Variants in PLA2G10 observed in about 807,000 individuals in gnomAD.
PLA2G10 encodes the protein phospholipase A2 group X.
PLA2G10 carries 9 observed loss-of-function variants against 7.9 expected under a neutral mutation model. The ratio of observed to expected loss-of-function variants is 1.14; its 90% CI spans 0.68 to 1.98. PLA2G10 has a LOEUF of 1.98. Among genes scored for constraint, PLA2G10 ranks in the 30% most tolerant of loss-of-function variants. The pLI, the probability that PLA2G10 is intolerant of heterozygous loss-of-function variation, is 0.00. For synonymous variants in PLA2G10, 19 were observed against 27.5 expected (o/e 0.69, Z 0.97); for missense variants, 53 against 65.4 (o/e 0.81, Z 0.66).
At chr16:14,672,799 A>T in intron 3 of PLA2G10, 50 bp from the exon 4 acceptor site, 1 of 1,580,790 alleles carries the variant, frequency 6.3e-7, no homozygotes, top group Non-Finnish European at 8.7e-7. Context: ...GGAGAGACTC[A>T]AGGGAAACCA....
intron 3 of PLA2G10, among the ~76,000 whole-genome samples, chr16:14,686,775 G>A (rs752328495): frequency 1.3e-5 from 2 of 152,106 alleles, no homozygotes; most frequent in South Asian, 4.1e-4. Context: ...AACTATAGGC[G>A]TGAGCCACAG....
intron 3 of PLA2G10, among the ~76,000 whole-genome samples, chr16:14,680,516 G>A (rs942035770): frequency 6.6e-6 from 1 of 152,000 alleles, no homozygotes; most frequent in African/African-American, 2.4e-5. Context: ...TCAGCCTCCC[G>A]AGTAGCTGGA....
Position 14,675,864 on chromosome 16 carries a change from G to A in PLA2G10, c.356-3115C>T, listed in dbSNP as rs569255177. ...TGAGGCAGGAGAATCATTTGAACCCGGGAGGCAGAGGTTGCAGGGAGCTGA... is the reference window on the plus strand; with the variant it reads ...TGAGGCAGGAGAATCATTTGAACCCAGGAGGCAGAGGTTGCAGGGAGCTGA... On this transcript the variant is annotated intron_variant, in intron 3 of 3. Transcript: ENST00000438167. 3.3e-5 allele frequency among the ~76,000 whole-genome samples: 5 copies of A among 150,764 alleles called. No individual in the cohort carries two copies. In the South Asian group the frequency reaches 6.3e-4, roughly 19 times the overall value.
chr16:14,672,661 C>G lies in PLA2G10; in HGVS notation c.444G>C (p.Lys148Asn). 1 of 1,614,060 alleles carries G rather than the reference C, an allele frequency of 6.2e-7. No homozygotes were observed. Residue 148 changes from lysine (K) to asparagine (N), a missense_variant, in exon 4 of 4, where the codon AAG becomes AAC. Coordinates refer to ENST00000438167, the MANE Select transcript of PLA2G10 (RefSeq NM_003561.3). ...NCLAQTEYNL[K>N]YLFYPQFLCE... ...ATAGGAACTGGGGGTAGAAGAGGTA[C>G]TTTAAGTTGTACTCAGTTTGGGCTA... is the stretch of plus-strand genomic sequence containing the variant.
chr16:14,679,212 C>A (rs1960812296), intron 3 of PLA2G10, among the ~76,000 whole-genome samples: 1 of 152,106 alleles, frequency 6.6e-6, no homozygotes, highest in Non-Finnish European at 1.5e-5. Flanking sequence ...CTTCACAATG[C>A]TGGGCACCTA....
chr16:14,679,063 C>T (rs766718030), intron 3 of PLA2G10, among the ~76,000 whole-genome samples: 9 of 152,042 alleles, frequency 5.9e-5, no homozygotes, highest in Non-Finnish European at 1.0e-4. Context: ...TTGGTGTCTC[C>T]GGGAGACTTT....
chr16:14,678,234 G>A (rs1002322703), intron 3 of PLA2G10, among the ~76,000 whole-genome samples: 13 of 151,990 alleles, frequency 8.6e-5, no homozygotes, highest in African/African-American at 4.8e-5. Flanking sequence ...ACAGGGCGAC[G>A]GGGACAAATA....
At chr16:14,674,500 AGACCAG>A (rs1440995298) in intron 3 of PLA2G10, among the ~76,000 whole-genome samples, 1 of 152,098 alleles carries the variant, frequency 6.6e-6, no homozygotes, top group Non-Finnish European at 1.5e-5. Flanking sequence ...GGTCAGTTCG[AGACCAG>A]CCTGGCCAAC....
Position 14,672,550 on chromosome 16 carries a change from C to T in PLA2G10, c.*57G>A. 6.4e-7 allele frequency: 1 copy of T among 1,560,872 alleles called. No homozygotes were observed. Among genetic ancestry groups the T allele is most frequent in the Non-Finnish European group, 8.8e-7 (1 of 1,138,088 alleles). The stretch of plus-strand genomic sequence containing the variant: ...CTGCAAATAACTGAATGCTGTTGTT[C>T]ATTACTGAGAGGACGCTTTATTTCC... On this transcript the variant is annotated 3_prime_UTR_variant, in exon 4 of 4. Coordinates refer to ENST00000438167, the MANE Select transcript of PLA2G10 (RefSeq NM_003561.3).
intron 3 of PLA2G10, among the ~76,000 whole-genome samples, chr16:14,677,218 A>C (rs1960747181): frequency 6.6e-6 from 1 of 152,214 alleles, no homozygotes. Flanking sequence ...GAATGGTTGA[A>C]TGAATGGTGG....
rs535365524 is a variant in PLA2G10, at chr16:14,674,627, G to A, written c.356-1878C>T. Among the ~76,000 whole-genome samples, 14 of 152,058 alleles carry A rather than the reference G, an allele frequency of 9.2e-5. No individual in the cohort carries two copies. In the East Asian group the frequency reaches 2.5e-3, roughly 27 times the overall value. On this transcript the variant is annotated intron_variant, in intron 3 of 3. Transcript: ENST00000438167. ...AAGGCAGGAGAATCACTTAAACCTG[G>A]GGGGCAGAGGTTGCAGTGAGCTGAG...
chr16:14,680,400 T>A (rs966388620), intron 3 of PLA2G10, among the ~76,000 whole-genome samples: 1 of 152,008 alleles, frequency 6.6e-6, no homozygotes, highest in African/African-American at 2.4e-5. Context: ...GTGCCCGGCC[T>A]TTTTTGTTGA....
chr16:14,674,570 G>A (rs1960675134), intron 3 of PLA2G10, among the ~76,000 whole-genome samples: 1 of 152,024 alleles, frequency 6.6e-6, no homozygotes, highest in African/African-American at 2.4e-5. Context: ...GCATGATGGT[G>A]TGTGCCTATA....
intron 3 of PLA2G10, among the ~76,000 whole-genome samples, chr16:14,677,567 A>G (rs551623534): frequency 1.3e-5 from 2 of 152,248 alleles, no homozygotes; most frequent in Admixed American, 6.5e-5. Flanking sequence ...GGGTTTTACC[A>G]TGTTGGCCAG....
intron 3 of PLA2G10, among the ~76,000 whole-genome samples, chr16:14,687,207 A>G (rs566542683): frequency 2.0e-5 from 3 of 152,138 alleles, no homozygotes; most frequent in South Asian, 4.1e-4. Flanking sequence ...AAAATAAAAT[A>G]AATACTACAG....
intron 3 of PLA2G10, among the ~76,000 whole-genome samples, chr16:14,674,072 A>G (rs1014640226): frequency 2.0e-5 from 3 of 152,140 alleles, no homozygotes; most frequent in Non-Finnish European, 4.4e-5. Flanking sequence ...GCTATACATC[A>G]ATAAGGACTA....
intron 3 of PLA2G10, among the ~76,000 whole-genome samples, chr16:14,674,788 G>C (rs1037573822): frequency 6.6e-6 from 1 of 152,012 alleles, no homozygotes; most frequent in Non-Finnish European, 1.5e-5. Context: ...AAACAGCATG[G>C]TACTAATATA....
At chr16:14,672,874 A>T (rs1960627284) in intron 3 of PLA2G10, 125 bp from the exon 4 acceptor site, 1 of 837,574 alleles carries the variant, frequency 1.2e-6, no homozygotes, top group African/African-American at 1.7e-5. Context: ...CCACCACGTG[A>T]TCTCCATCTG....
rs531493923 is a variant in PLA2G10, at chr16:14,687,692, T to G, written c.355+473A>C. Reference sequence around the variant, plus strand: ...CATGGTTTTCTTTTTCAAGTCCTCATTGTTAAAGATCACTCACATTAGGGC... The same window carrying G: ...CATGGTTTTCTTTTTCAAGTCCTCAGTGTTAAAGATCACTCACATTAGGGC... On this transcript the variant is annotated intron_variant, in intron 3 of 3. Transcript: ENST00000438167. 4.6e-4 allele frequency among the ~76,000 whole-genome samples: 70 copies of G among 151,986 alleles called. 2 individuals carry two copies. In the South Asian group the frequency reaches 5.2e-3, roughly 11 times the overall value.
Sources: gnomAD v4.1 joint callset for allele counts (sites outside exome capture counted in the v4.1 genomes callset) on GRCh38, gnomAD v4.1.1 for gene constraint, MANE v1.5 for transcripts, NCBI Gene and HGNC (gene_info 2026-07-23, HGNC 2026-07-21) for gene names.